Variants in EIPR1 observed in about 807,000 individuals in gnomAD.
EIPR1 encodes the protein EARP complex and GARP complex interacting protein 1.
Under a neutral mutation model 48.1 loss-of-function variants are expected in EIPR1, and 25 were observed. That is an observed-to-expected ratio of 0.52 (90% CI 0.38 to 0.73). The LOEUF is 0.73. Among genes scored for constraint, EIPR1 ranks in the 30% least tolerant of loss-of-function variants. The pLI, the probability that EIPR1 is intolerant of heterozygous loss-of-function variation, is 0.00. For missense variants in EIPR1, 415 were observed against 506.2 expected (o/e 0.82, Z 1.73); for synonymous variants, 204 against 201.9 (o/e 1.01, Z -0.09).
intron 1 of EIPR1, among the ~76,000 whole-genome samples, chr2:3,376,559 C>T (rs1446909943): frequency 2.0e-5 from 3 of 151,924 alleles, no homozygotes; most frequent in Non-Finnish European, 4.4e-5. Flanking sequence ...GGCGTGGTGG[C>T]GGGTGCCTGT....
chr2:3,353,460 A>C (rs1670640076), intron 2 of EIPR1: 2 of 365,228 alleles, frequency 5.5e-6, no homozygotes, highest in Non-Finnish European at 5.4e-6. Flanking sequence ...ACTTTTAATG[A>C]GTGTAATAAG....
At chr2:3,226,807 A>T (rs184713308) in intron 4 of EIPR1, among the ~76,000 whole-genome samples, 38 of 152,306 alleles carry the variant, frequency 2.5e-4, no homozygotes, top group Admixed American at 2.4e-3. Flanking sequence ...GGTTTCTCCC[A>T]TGCTGTTCTC....
rs368713921 is a variant in EIPR1, at chr2:3,238,998, G to A, written c.416+18301C>T. On this transcript the variant is annotated intron_variant, in intron 4 of 8. Coordinates refer to ENST00000382125, the MANE Select transcript of EIPR1 (RefSeq NM_003310.5). ...TAAGCTCGGCATGAAGTCTCTGGGAGAGCCTGGAAGGGGAGAGCATGTTGA... is the reference window on the plus strand; with the variant it reads ...TAAGCTCGGCATGAAGTCTCTGGGAAAGCCTGGAAGGGGAGAGCATGTTGA... 6.6e-5 allele frequency among the ~76,000 whole-genome samples: 10 copies of A among 152,342 alleles called. 2 individuals carry two copies. In the South Asian group the frequency reaches 2.1e-3, roughly 32 times the overall value.
At chr2:3,199,861 G>T (rs529610538) in intron 5 of EIPR1, among the ~76,000 whole-genome samples, 1 of 144,954 alleles carries the variant, frequency 6.9e-6, no homozygotes, top group South Asian at 2.3e-4. Context: ...CTGGGCAGAG[G>T]TGACATGGGT....
chr2:3,209,050 A>T lies in EIPR1; in HGVS notation c.516+5099T>A, dbSNP rs769090396. The T allele has an allele frequency of 1.9e-3, 2,765 of 1,438,276 alleles. 3 individuals are homozygous for T. The highest frequency in any genetic ancestry group is 2.3e-3 in the Non-Finnish European group (2,562 of 1,100,158). 89.1% of individuals were successfully genotyped at this position (1,438,276 alleles called of 1,614,324 possible). On this transcript the variant is annotated intron_variant, in intron 5 of 8. Transcript: ENST00000382125. Reference sequence around the variant, plus strand: ...GCTGACCAGCACCATCTTTTCCGGGACGCCTGCTGGTGGGAAGGCAGGGTG... The same window carrying T: ...GCTGACCAGCACCATCTTTTCCGGGTCGCCTGCTGGTGGGAAGGCAGGGTG...
intron 4 of EIPR1, among the ~76,000 whole-genome samples, chr2:3,232,732 T>C (rs1354754796): frequency 6.6e-6 from 1 of 152,192 alleles, no homozygotes; most frequent in East Asian, 1.9e-4. Flanking sequence ...TAGGCCTGAA[T>C]AGGGTTTGCT....
intron 3 of EIPR1, among the ~76,000 whole-genome samples, chr2:3,292,904 TC>T (rs372893045): frequency 3.3e-4 from 48 of 147,046 alleles, no homozygotes; most frequent in African/African-American, 1.1e-3. Context: ...AGTGGCTAGG[TC>T]CAAAAAAGAC....
chr2:3,339,204 T>C (rs997535064), intron 2 of EIPR1, among the ~76,000 whole-genome samples: 1 of 152,238 alleles, frequency 6.6e-6, no homozygotes, highest in African/African-American at 2.4e-5. Context: ...CGTGTCCAAA[T>C]GAGAACCAGC....
At chr2:3,311,023 C>T (rs1361753116) in intron 3 of EIPR1, among the ~76,000 whole-genome samples, 1 of 152,104 alleles carries the variant, frequency 6.6e-6, no homozygotes, top group African/African-American at 2.4e-5. Context: ...TTCCTATTTT[C>T]TTGTTTACAA....
chr2:3,213,100 T>C (rs776187493), intron 5 of EIPR1, among the ~76,000 whole-genome samples: 12 of 152,176 alleles, frequency 7.9e-5, no homozygotes, highest in Admixed American at 6.5e-5. Flanking sequence ...TAAAAAAACA[T>C]GGTAGGAACA....
chr2:3,350,752 C>T (rs117825862), intron 2 of EIPR1, among the ~76,000 whole-genome samples: 4 of 152,200 alleles, frequency 2.6e-5, no homozygotes, highest in East Asian at 1.9e-4. Context: ...ACCTACCATA[C>T]GGATTCACAC....
At chr2:3,197,688 C>T (rs1262540859) in intron 5 of EIPR1, among the ~76,000 whole-genome samples, 3 of 152,210 alleles carry the variant, frequency 2.0e-5, no homozygotes, top group Admixed American at 6.5e-5. Context: ...TTGGCTGCAT[C>T]GTTATTTCAA....
At chr2:3,222,399 G>A (rs1168347238) in intron 4 of EIPR1, among the ~76,000 whole-genome samples, 1 of 152,242 alleles carries the variant, frequency 6.6e-6, no homozygotes, top group Admixed American at 6.5e-5. Context: ...CATATTATCA[G>A]AGGAAGCAAT....
chr2:3,197,099 G>A (rs935052959), intron 5 of EIPR1, 82 bp from the exon 6 acceptor site: 35 of 1,438,278 alleles, frequency 2.4e-5, no homozygotes, highest in South Asian at 1.4e-4. Flanking sequence ...AGAGGATATC[G>A]TATACTCAAG....
chr2:3,357,505 T>C (rs1054634283), intron 1 of EIPR1, among the ~76,000 whole-genome samples: 1 of 152,200 alleles, frequency 6.6e-6, no homozygotes, highest in African/African-American at 2.4e-5. Flanking sequence ...CTTAGGAGTA[T>C]GCACCTGTAA....
chr2:3,257,115 T>A (rs1429206270), intron 4 of EIPR1, among the ~76,000 whole-genome samples, 184 bp downstream of exon 4: 1 of 152,204 alleles, frequency 6.6e-6, no homozygotes, highest in East Asian at 1.9e-4. Context: ...GCTACATTTC[T>A]GTCAATGCGG....
At chr2:3,239,980 C>T (rs1472157588) in intron 4 of EIPR1, among the ~76,000 whole-genome samples, 5 of 152,208 alleles carry the variant, frequency 3.3e-5, no homozygotes, top group Non-Finnish European at 7.4e-5. Context: ...GCCAGCAGAT[C>T]CTTCCCAAGG....
chr2:3,222,860 C>T (rs571812838), intron 4 of EIPR1, among the ~76,000 whole-genome samples: 26 of 152,310 alleles, frequency 1.7e-4, no homozygotes, highest in African/African-American at 5.8e-4. Flanking sequence ...ACAGAAGCTT[C>T]GTGGCTTTCT....
chr2:3,206,017 T>C (rs1387306447), intron 5 of EIPR1, among the ~76,000 whole-genome samples: 1 of 152,196 alleles, frequency 6.6e-6, no homozygotes, highest in Non-Finnish European at 1.5e-5. Context: ...CGAACACTGA[T>C]GCTGCCTTCT....
Sources: allele counts gnomAD v4.1 joint callset (sites outside exome capture counted in the v4.1 genomes callset), GRCh38; gene constraint gnomAD v4.1.1; transcripts MANE v1.5; gene names NCBI Gene and HGNC (gene_info 2026-07-23, HGNC 2026-07-21).